The following FRMD4A variants were observed in gnomAD, a reference collection of about 807,000 sequenced individuals.
The protein encoded by FRMD4A is FERM domain-containing protein 4A.
Under a neutral mutation model 129.1 loss-of-function variants are expected in FRMD4A, and 29 were observed. The ratio of observed to expected loss-of-function variants is 0.22; its 90% CI spans 0.17 to 0.31. The LOEUF (loss-of-function observed/expected upper bound fraction) is 0.31, where lower values mean the gene tolerates loss of function less well. Among genes scored for constraint, FRMD4A ranks in the 10% least tolerant of loss-of-function variants. The pLI is 1.00. For synonymous variants in FRMD4A, 634 were observed against 571.6 expected, an observed-to-expected ratio of 1.11 and a Z score of -1.56; for missense variants, 1,272 against 1,375.8, an observed-to-expected ratio of 0.92 and a Z score of 1.19.
intron 2 of FRMD4A, among the ~76,000 whole-genome samples, chr10:13,972,870 A>G (rs1307055193): frequency 6.6e-5 from 10 of 152,218 alleles, no homozygotes; most frequent in African/African-American, 2.4e-4. Flanking sequence ...GTCCTGAAAA[A>G]TCATGGTAAG....
At chr10:14,217,908 G>A (rs1444163677) in intron 2 of FRMD4A, among the ~76,000 whole-genome samples, 6 of 151,578 alleles carry the variant, frequency 4.0e-5, no homozygotes, top group African/African-American at 1.5e-4. Flanking sequence ...TCAGCTCACT[G>A]CCACCTTCAC....
rs545406284 is a variant in FRMD4A at position 14,246,066 on chromosome 10, G to C, written c.45+83992C>G. 1.1e-4 allele frequency among the ~76,000 whole-genome samples: 17 copies of C among 152,278 alleles called. No homozygotes were observed. The South Asian group carries it at 3.5e-3, about 32-fold the overall frequency. ...AGGAGACTCAAGGGCTGTCTGCCCT[G>C]CTACTGCGAGGGGCTCCTCAGATGC... is the stretch of plus-strand genomic sequence containing the variant. On this transcript the variant is annotated intron_variant, in intron 2 of 24. Coordinates refer to ENST00000357447, the MANE Select transcript of FRMD4A (RefSeq NM_018027.5).
chr10:13,693,668 G>A (rs1415351398), intron 15 of FRMD4A: 1 of 657,366 alleles, frequency 1.5e-6, no homozygotes, highest in Non-Finnish European at 2.6e-6. Context: ...TTCTTGCACT[G>A]CGTGGTTCTA....
intron 2 of FRMD4A, among the ~76,000 whole-genome samples, chr10:14,208,600 A>C (rs1842850855): frequency 6.6e-6 from 1 of 151,464 alleles, no homozygotes; most frequent in South Asian, 2.1e-4. Flanking sequence ...ACCCCTCCCA[A>C]CCTCAGCTGT....
At chr10:14,203,152 C>T (rs1042465741) in intron 2 of FRMD4A, among the ~76,000 whole-genome samples, 1 of 152,092 alleles carries the variant, frequency 6.6e-6, no homozygotes, top group African/African-American at 2.4e-5. Context: ...ACTACACATT[C>T]ACTGGCCTGC....
intron 2 of FRMD4A, among the ~76,000 whole-genome samples, chr10:14,271,025 T>C (rs1464455784): frequency 3.9e-5 from 6 of 152,150 alleles, no homozygotes; most frequent in Admixed American, 2.6e-4. Context: ...AAGCTACCAA[T>C]CATGGTAGAA....
chr10:13,695,818 G>A (rs567172719), intron 14 of FRMD4A, among the ~76,000 whole-genome samples: 23 of 152,314 alleles, frequency 1.5e-4, no homozygotes, highest in African/African-American at 5.5e-4. Flanking sequence ...TGGATGCCCC[G>A]TGTACAGCCT....
At chr10:14,241,683 TAAAAAAAAAAAAAAAAAAAAAAA>T (rs71388168) in intron 2 of FRMD4A, among the ~76,000 whole-genome samples, 1 of 23,404 alleles carries the variant, frequency 4.3e-5, no homozygotes, top group Non-Finnish European at 7.3e-5. Flanking sequence ...TTACCCTCCC[TAAAAAAAAAAAAAAAAAAAAAAA>T]AAAAAAAAAA....
chr10:14,123,447 G>A (rs1382411258), intron 2 of FRMD4A, among the ~76,000 whole-genome samples: 1 of 152,196 alleles, frequency 6.6e-6, no homozygotes, highest in Non-Finnish European at 1.5e-5. Context: ...TGAAAACAAA[G>A]CCAGAATACA....
At position 13,960,696 on chromosome 10, in the gene FRMD4A, T is replaced by C. The variant is rs1304076800; in HGVS notation, c.46-101784A>G. The stretch of plus-strand genomic sequence containing the variant: ...TGCTAAGCTGACTGTCTGGGATGGG[T>C]TGACCGGCAGCCCACCTACCTGCAC... On this transcript the variant is annotated intron_variant, in intron 2 of 24. Transcript: ENST00000357447. Among the ~76,000 whole-genome samples, 6 of 152,158 alleles carry C rather than the reference T, an allele frequency of 3.9e-5. 1 individual carries two copies. The highest frequency in any genetic ancestry group is 1.2e-4 in the African/African-American group (5 of 41,432).
At chr10:14,046,063 G>A (rs562398601) in intron 2 of FRMD4A, among the ~76,000 whole-genome samples, 2 of 151,154 alleles carry the variant, frequency 1.3e-5, no homozygotes, top group Non-Finnish European at 2.9e-5. Context: ...ATATTTCAAT[G>A]ATCAAATGTA....
Position 13,657,148 on chromosome 10 carries a change from CCCGCGCCCCCCG to C in FRMD4A, c.2429_2440del (p.Ala810_Ala813del). The C allele has an allele frequency of 6.8e-7, 1 of 1,480,948 alleles. No homozygotes were observed. The highest frequency in any genetic ancestry group is 8.9e-7 in the Non-Finnish European group (1 of 1,118,850). 91.7% of individuals were successfully genotyped at this position (1,480,948 alleles called of 1,614,324 possible). A position where few individuals can be genotyped will look rare whatever the true frequency, so the allele number is the denominator to read the frequency against. On this transcript the variant is annotated inframe_deletion, in exon 22 of 25. Coordinates refer to ENST00000357447, the MANE Select transcript of FRMD4A (RefSeq NM_018027.5). Reference sequence around the variant, plus strand: ...CAGGTACACACCGCCCCCCGCGCCCCCCGCGCCCCCCGCACCCCCGCGCGCCGCCAGGTTGGG... The same window carrying C: ...CAGGTACACACCGCCCCCCGCGCCCCCACCCCCGCGCGCCGCCAGGTTGGG...
intron 2 of FRMD4A, among the ~76,000 whole-genome samples, chr10:14,157,070 G>A (rs1013264895): frequency 6.6e-6 from 1 of 152,150 alleles, no homozygotes; most frequent in Admixed American, 6.5e-5. Flanking sequence ...ACAGAGCCTG[G>A]GGGTTCAGGT....
At chr10:13,828,374 TTAAG>T (rs1415273829) in intron 3 of FRMD4A, among the ~76,000 whole-genome samples, 1 of 152,218 alleles carries the variant, frequency 6.6e-6, no homozygotes, top group Admixed American at 6.5e-5. Context: ...CGTGTGCACT[TTAAG>T]TGAGAACATG....
At position 13,690,988 on chromosome 10, in the gene FRMD4A, TTGTG is replaced by T. The variant is rs757356423; in HGVS notation, c.1117+2906_1117+2909del. On this transcript the variant is annotated intron_variant, in intron 15 of 24. Coordinates refer to ENST00000357447, the MANE Select transcript of FRMD4A (RefSeq NM_018027.5). The stretch of plus-strand genomic sequence containing the variant: ...AGTCTTAAAGACACTTGGATTTCAT[TTGTG>T]TGTGTGTGTGAGAGAGACACAGTCT... Among the ~76,000 whole-genome samples the T allele has an allele frequency of 9.9e-5, 15 of 151,874 alleles. No homozygotes were observed. The East Asian group carries it at 1.2e-3, about 12-fold the overall frequency.
intron 6 of FRMD4A, among the ~76,000 whole-genome samples, chr10:13,765,239 C>G (rs1005688843): frequency 1.3e-5 from 2 of 151,582 alleles, no homozygotes; most frequent in Non-Finnish European, 2.9e-5. Flanking sequence ...CTCAGCCTCC[C>G]AAGTAGCTGA....
At chr10:14,235,094 A>C (rs1465857508) in intron 2 of FRMD4A, among the ~76,000 whole-genome samples, 1 of 151,922 alleles carries the variant, frequency 6.6e-6, no homozygotes, top group East Asian at 1.9e-4. Context: ...GGGCTGGCAC[A>C]GTGGGGTATT....
At chr10:14,226,363 A>C (rs1397851836) in intron 2 of FRMD4A, among the ~76,000 whole-genome samples, 1 of 152,184 alleles carries the variant, frequency 6.6e-6, no homozygotes, top group Non-Finnish European at 1.5e-5. Context: ...GCAGACACCC[A>C]AAGTTGACAT....
chr10:14,177,322 A>G (rs964253956), intron 2 of FRMD4A, among the ~76,000 whole-genome samples: 2 of 151,796 alleles, frequency 1.3e-5, no homozygotes, highest in Non-Finnish European at 2.9e-5. Flanking sequence ...CTCAGCCTCC[A>G]CCATGCCCAG....
Sources: gnomAD v4.1 joint callset for allele counts (sites outside exome capture counted in the v4.1 genomes callset) on GRCh38, gnomAD v4.1.1 for gene constraint, MANE v1.5 for transcripts, NCBI Gene and HGNC (gene_info 2026-07-23, HGNC 2026-07-21) for gene names.